SUSD5: variants seen among roughly 807,000 people sequenced by gnomAD.
SUSD5 encodes sushi domain-containing protein 5.
In SUSD5, 33 loss-of-function variants were observed where a neutral mutation model predicts 29.5. The observed-to-expected ratio is 1.12, with a 90% CI of 0.85 to 1.49. The LOEUF (loss-of-function observed/expected upper bound fraction) is 1.49. SUSD5 is among the 40% of genes most tolerant of loss of function. The pLI, the probability that SUSD5 is intolerant of heterozygous loss-of-function variation, is 0.00. For synonymous variants in SUSD5, 308 were observed against 325.3 expected (o/e 0.95, Z 0.57); for missense variants, 776 against 800.6 (o/e 0.97, Z 0.37).
intron 4 of SUSD5, among the ~76,000 whole-genome samples, chr3:33,168,235 C>A (rs1046352022): frequency 6.6e-6 from 1 of 152,088 alleles, no homozygotes; most frequent in Non-Finnish European, 1.5e-5. Flanking sequence ...AAGCCCCACA[C>A]GTACCCTCTT....
At chr3:33,164,969 AAC>A (rs34551240) in intron 4 of SUSD5, among the ~76,000 whole-genome samples, 9,917 of 147,022 alleles carry the variant, frequency 0.067, 368 homozygotes, top group Middle Eastern at 0.12. Flanking sequence ...ACTAAAGTTG[AAC>A]ACACACACAC....
At chr3:33,188,140 A>C (rs1273413643) in intron 3 of SUSD5, among the ~76,000 whole-genome samples, 1 of 152,234 alleles carries the variant, frequency 6.6e-6, no homozygotes, top group Non-Finnish European at 1.5e-5. Context: ...TTGCCTGCCA[A>C]TCAAAGCTTC....
intron 3 of SUSD5, among the ~76,000 whole-genome samples, chr3:33,203,575 T>G (rs898379295): frequency 1.3e-5 from 2 of 152,208 alleles, no homozygotes; most frequent in Non-Finnish European, 2.9e-5. Context: ...TGGCATCCAG[T>G]CTTCACACAC....
chr3:33,202,329 C>T (rs1406182623), intron 3 of SUSD5, among the ~76,000 whole-genome samples: 1 of 152,126 alleles, frequency 6.6e-6, no homozygotes, highest in Non-Finnish European at 1.5e-5. Context: ...AGACACCAGG[C>T]CTTCTCCAGG....
chr3:33,179,915 T>C (rs1473121232), intron 3 of SUSD5, among the ~76,000 whole-genome samples: 1 of 152,238 alleles, frequency 6.6e-6, no homozygotes, highest in African/African-American at 2.4e-5. Context: ...CCTAGTGATG[T>C]AGCCATTGTA....
rs755295730 is a variant in SUSD5, at chr3:33,151,631, T to A, written c.*1111A>T. ...TGAGAGAGGAAACCAAGGACTGAGT[T>A]TTGTTAGTCCTGGCAAAAATTCCAA... On this transcript the variant is annotated 3_prime_UTR_variant, in exon 5 of 5. Coordinates refer to ENST00000309558, the MANE Select transcript of SUSD5 (RefSeq NM_015551.2). 1 of 152,130 alleles carries A rather than the reference T, an allele frequency of 6.6e-6. No individual in the cohort carries two copies. The highest frequency in any genetic ancestry group is 2.4e-5 in the African/African-American group (1 of 41,420). 9.4% of individuals were successfully genotyped at this position (152,130 alleles called of 1,614,324 possible).
rs1397560401 is a variant in SUSD5 at position 33,218,747 on chromosome 3, G to A, written c.51C>T (p.Pro17=). 7.9e-6 allele frequency: 11 copies of A among 1,393,442 alleles called. No individual in the cohort carries two copies. The highest frequency in any genetic ancestry group is 9.3e-6 in the Non-Finnish European group (10 of 1,080,440). The allele number at this position is 1,393,442 out of a possible 1,614,324, so 86.3% of individuals were successfully genotyped here. ...SPPARWHRRL[P]GLWAAALLLL... is the part of the protein sequence containing the mutation. ...GGAGCAGCGCCGCCGCCCAGAGCCC[G>A]GGGAGGCGTCTGTGCCAACGGGCAG... is the stretch of plus-strand genomic sequence containing the variant. Residue 17 remains proline (P), a synonymous_variant, in exon 1 of 5, where the codon CCC becomes CCT. Transcript: ENST00000309558.
chr3:33,170,585 T>C (rs2031403290), intron 4 of SUSD5, among the ~76,000 whole-genome samples: 1 of 152,188 alleles, frequency 6.6e-6, no homozygotes, highest in Non-Finnish European at 1.5e-5. Flanking sequence ...GGGACCCTCC[T>C]ACACCATCCA....
chr3:33,163,974 T>C (rs1198783101), intron 4 of SUSD5, among the ~76,000 whole-genome samples: 1 of 152,104 alleles, frequency 6.6e-6, no homozygotes, highest in Admixed American at 6.5e-5. Flanking sequence ...CACTCCAGCA[T>C]GGGTGACAGA....
chr3:33,153,899 G>T lies in SUSD5; in HGVS notation c.733C>A (p.Pro245Thr). ...ATGGAGACCAGACGGTCCTGTTTTG[G>T]AGCCTCCTCAGAGGAGTCTCCCTGA... ...RGQGDSSEEA[P>T]KQDRLVSISV... The change falls in exon 5 of 5, where the codon CCA becomes ACA. Residue 245 changes from proline (P) to threonine (T), a missense_variant. By Grantham distance (38) the Pro-to-Thr change is conservative (BLOSUM62 -1). Coordinates refer to ENST00000309558, the MANE Select transcript of SUSD5 (RefSeq NM_015551.2). The T allele has an allele frequency of 1.2e-6, 2 of 1,613,970 alleles. No individual in the cohort carries two copies. The highest frequency in any genetic ancestry group is 8.5e-7 in the Non-Finnish European group (1 of 1,179,878).
chr3:33,174,894 C>T lies in SUSD5; in HGVS notation c.590G>A (p.Cys197Tyr). 1.2e-6 allele frequency: 2 copies of T among 1,613,912 alleles called. No homozygotes were observed. Among genetic ancestry groups the T allele is most frequent in the Non-Finnish European group, 1.7e-6 (2 of 1,179,852 alleles). ...CGEWYGLVQA[C>Y]GKDEAEAHID... ...ATCCCTGGGCTGCTTACCTTTCCCA[C>T]AGGCCTGCACCAGGCCGTACCACTC... The change falls in exon 4 of 5, where the codon TGT (cysteine) becomes TAT (tyrosine). Residue 197 changes from cysteine (C) to tyrosine (Y), a missense_variant. Transcript: ENST00000309558.
At chr3:33,190,680 C>G (rs1392808597) in intron 3 of SUSD5, among the ~76,000 whole-genome samples, 1 of 152,164 alleles carries the variant, frequency 6.6e-6, no homozygotes, top group Non-Finnish European at 1.5e-5. Flanking sequence ...CTGATTACTT[C>G]AAACTGAGGG....
intron 4 of SUSD5, among the ~76,000 whole-genome samples, chr3:33,158,945 G>A (rs78214637): frequency 1.5e-4 from 23 of 152,262 alleles, no homozygotes; most frequent in African/African-American, 3.1e-4. Flanking sequence ...ACATCGAACC[G>A]TGAAGAACCC....
At chr3:33,163,699 A>T (rs2031240436) in intron 4 of SUSD5, among the ~76,000 whole-genome samples, 1 of 152,054 alleles carries the variant, frequency 6.6e-6, no homozygotes, top group Non-Finnish European at 1.5e-5. Context: ...TGTCTCTACT[A>T]AAAAAATATA....
Position 33,153,887 on chromosome 3 carries a change from G to A in SUSD5, c.745C>T (p.Arg249Cys), listed in dbSNP as rs767586455. The A allele has an allele frequency of 3.2e-5, 51 of 1,613,874 alleles. No individual in the cohort carries two copies. Among genetic ancestry groups the A allele is most frequent in the South Asian group, 1.5e-4 (14 of 91,080 alleles). ...DSSEEAPKQD[R>C]LVSISVGREN... is the part of the protein sequence containing the mutation. ...CTCCCCACAGAAATGGAGACCAGACGGTCCTGTTTTGGAGCCTCCTCAGAG... is the reference window on the plus strand; with the variant it reads ...CTCCCCACAGAAATGGAGACCAGACAGTCCTGTTTTGGAGCCTCCTCAGAG... Residue 249 changes from arginine (R) to cysteine (C), a missense_variant, in exon 5 of 5, where the codon CGT becomes TGT. Transcript: ENST00000309558.
intron 3 of SUSD5, among the ~76,000 whole-genome samples, chr3:33,182,771 A>C (rs1338060952): frequency 6.6e-6 from 1 of 152,042 alleles, no homozygotes; most frequent in Non-Finnish European, 1.5e-5. Context: ...TTAGCATGGT[A>C]TATCTTTCTC....
In SUSD5 at chr3:33,214,093, A is replaced by C; in HGVS notation, c.125T>G (p.Val42Gly). The change falls in exon 2 of 5, where the codon GTG becomes GGG. Residue 42 changes from valine to glycine, a missense_variant. Transcript: ENST00000309558. ...CTGAGAGCCATTCTGAGACTCCAGCACAAAGAACTTTCCTGTGTGGGAACA... is the reference window on the plus strand; with the variant it reads ...CTGAGAGCCATTCTGAGACTCCAGCCCAAAGAACTTTCCTGTGTGGGAACA... ...LSVRADGKFF[V>G]LESQNGSQGL... is the part of the protein sequence containing the mutation. The C allele has an allele frequency of 1.2e-6, 2 of 1,606,578 alleles. No homozygotes were observed. Among genetic ancestry groups the C allele is most frequent in the Non-Finnish European group, 1.7e-6 (2 of 1,176,854 alleles).
chr3:33,184,618 T>C (rs1407951283), intron 3 of SUSD5, among the ~76,000 whole-genome samples: 2 of 132,724 alleles, frequency 1.5e-5, no homozygotes, highest in Non-Finnish European at 3.4e-5. Context: ...TTTTTGTCTT[T>C]TATTTCTCTT....
At chr3:33,171,981 T>A (rs978918143) in intron 4 of SUSD5, among the ~76,000 whole-genome samples, 1 of 152,160 alleles carries the variant, frequency 6.6e-6, no homozygotes, top group African/African-American at 2.4e-5. Context: ...TTACTCAACT[T>A]GTATACACAG....
Sources: allele counts gnomAD v4.1 joint callset (sites outside exome capture counted in the v4.1 genomes callset), GRCh38; gene constraint gnomAD v4.1.1; transcripts MANE v1.5; gene names NCBI Gene and HGNC (gene_info 2026-07-23, HGNC 2026-07-21).